Variants in SDHAF2 observed in about 807,000 individuals in gnomAD.
The protein encoded by SDHAF2 is succinate dehydrogenase complex assembly factor 2, also known as succinate dehydrogenase assembly factor 2, mitochondrial.
In SDHAF2, 21 loss-of-function variants were observed where a neutral mutation model predicts 18.5. The observed-to-expected ratio is 1.13, with a 90% CI of 0.80 to 1.63. The LOEUF is 1.63. Among genes scored for constraint, SDHAF2 ranks in the 40% most tolerant of loss-of-function variants. SDHAF2 has a pLI of 0.00. For synonymous variants in SDHAF2, 84 were observed against 70.7 expected (o/e 1.19, Z -0.94); for missense variants, 195 against 200.3 (o/e 0.97, Z 0.16).
chr11:61,443,907 G>A (rs961451617), intron 3 of SDHAF2, among the ~76,000 whole-genome samples: 1 of 152,150 alleles, frequency 6.6e-6, no homozygotes, highest in African/African-American at 2.4e-5. Flanking sequence ...CCGAGTAGCT[G>A]GGACTACAGG....
chr11:61,444,117 T>A (rs897019339), intron 3 of SDHAF2: 3 of 152,268 alleles, frequency 2.0e-5, no homozygotes, highest in African/African-American at 7.2e-5. Flanking sequence ...CACTTGGCTT[T>A]TAACAATTCA....
intron 1 of SDHAF2, chr11:61,434,402 C>G (rs1013671007): frequency 6.6e-6 from 1 of 152,088 alleles, no homozygotes; most frequent in East Asian, 1.9e-4. Flanking sequence ...GTCTTGAACT[C>G]CTTACCTCAG....
intron 3 of SDHAF2, among the ~76,000 whole-genome samples, chr11:61,438,832 G>A (rs376074481): frequency 6.6e-6 from 1 of 152,010 alleles, no homozygotes; most frequent in Non-Finnish European, 1.5e-5. Flanking sequence ...ATCGCTTGAG[G>A]TTAGGAGCTT....
chr11:61,431,485 T>C (rs1861910332), intron 1 of SDHAF2: 1 of 152,150 alleles, frequency 6.6e-6, no homozygotes, highest in African/African-American at 2.4e-5. Flanking sequence ...TCTCAAGATA[T>C]TTTCTAATTT....
At chr11:61,443,651 G>A (rs1438140657) in intron 3 of SDHAF2, among the ~76,000 whole-genome samples, 1 of 152,096 alleles carries the variant, frequency 6.6e-6, no homozygotes, top group Admixed American at 6.6e-5. Flanking sequence ...TGGCTCTGTC[G>A]CCCAGGCTGG....
Position 61,446,028 on chromosome 11 carries a change from T to C in SDHAF2, c.458T>C (p.Leu153Pro), listed in dbSNP as rs753711279. 6 of 1,614,106 alleles carry C rather than the reference T, an allele frequency of 3.7e-6. No individual in the cohort carries two copies. In the South Asian group the frequency reaches 5.5e-5, roughly 15 times the overall value. Residue 153 changes from leucine to proline, a missense_variant, in exon 4 of 4, where the codon CTG (leucine) becomes CCG (proline). Coordinates refer to ENST00000301761, the MANE Select transcript of SDHAF2 (RefSeq NM_017841.4). ...FAKNKNKEQRLRAPDLEYLFE... is the reference protein window; with the variant it reads ...FAKNKNKEQRPRAPDLEYLFE... The stretch of plus-strand genomic sequence containing the variant: ...AAAAACAAAAACAAAGAGCAGAGAC[T>C]GCGTGCCCCAGATCTTGAGTACCTC...
intron 1 of SDHAF2, 67 bp from the exon 2 acceptor site, chr11:61,437,558 C>T: frequency 7.6e-7 from 1 of 1,318,312 alleles, no homozygotes; most frequent in African/African-American, 1.4e-5. Context: ...ACCTAGTAAG[C>T]ATTGAGTAAA....
At chr11:61,442,263 A>C (rs1862076817) in intron 3 of SDHAF2, among the ~76,000 whole-genome samples, 1 of 152,178 alleles carries the variant, frequency 6.6e-6, no homozygotes. Flanking sequence ...TTCTTCTGTT[A>C]AATAGAAACA....
rs2134892837 is a variant in SDHAF2 at position 61,438,041 on chromosome 11, A to G, written c.298A>G (p.Lys100Glu). 3.7e-6 allele frequency: 6 copies of G among 1,614,132 alleles called. No homozygotes were observed. The highest frequency in any genetic ancestry group is 5.1e-6 in the Non-Finnish European group (6 of 1,180,024). The change falls in exon 3 of 4, where the codon AAG (lysine) becomes GAG (glutamate). Residue 100 changes from lysine to glutamate, a missense_variant. Physicochemically the swap from Lys to Glu is moderately conservative, Grantham distance 56. Transcript: ENST00000301761. ...AGAACATCTGCAGCACATGACAGAA[A>G]AGCAGCTGAACCTCTATGACCGCCT... ...AKEHLQHMTE[K>E]QLNLYDRLIN...
At chr11:61,443,479 AT>A (rs1366270598) in intron 3 of SDHAF2, among the ~76,000 whole-genome samples, 8 of 152,118 alleles carry the variant, frequency 5.3e-5, no homozygotes, top group African/African-American at 1.9e-4. Flanking sequence ...TTTTCTCATA[AT>A]TGTATTTATG....
chr11:61,434,591 C>CTTTTTTTTTTTTTTTTTTGTTTTTT (rs1861971140), intron 1 of SDHAF2: 1 of 119,000 alleles, frequency 8.4e-6, no homozygotes. Flanking sequence ...CTTCTCATTC[C>CTTTTTTTTTTTTTTTTTTGTTTTTT]TTTTTTTTTT....
Position 61,430,159 on chromosome 11 carries a change from A to G in SDHAF2, c.13A>G (p.Thr5Ala), listed in dbSNP as rs775763888. Residue 5 changes from threonine (T) to alanine (A), a missense_variant, in exon 1 of 4, where the codon ACA becomes GCA. Transcript: ENST00000301761. MAVS[T>A]VFSTSSLMLA... ...GCAGGTGGGGAAAATGGCGGTGTCT[A>G]CAGTGTTCTCGACTTCGTCGCTGGT... 87 of 1,614,064 alleles carry G rather than the reference A, an allele frequency of 5.4e-5. No homozygotes were observed. The highest frequency in any genetic ancestry group is 8.0e-5 in the African/African-American group (6 of 74,960).
chr11:61,443,806 A>C (rs1238303329), intron 3 of SDHAF2, among the ~76,000 whole-genome samples: 5 of 149,184 alleles, frequency 3.4e-5, no homozygotes, highest in South Asian at 2.1e-4. Flanking sequence ...ACGGAGTCTC[A>C]CTCTGTCACC....
chr11:61,430,252 G>A, intron 1 of SDHAF2, 70 bp downstream of exon 1: 3 of 1,597,360 alleles, frequency 1.9e-6, no homozygotes, highest in Non-Finnish European at 2.6e-6. Flanking sequence ...TTCCTCTGTG[G>A]TCTCTATCTT....
intron 3 of SDHAF2, among the ~76,000 whole-genome samples, chr11:61,441,123 T>C (rs1480787902): frequency 6.6e-6 from 1 of 152,056 alleles, no homozygotes; most frequent in Non-Finnish European, 1.5e-5. Context: ...GTTCAGAGAC[T>C]GCAATGACCT....
chr11:61,430,244 C>G, intron 1 of SDHAF2, 62 bp downstream of exon 1: 1 of 1,601,664 alleles, frequency 6.2e-7, no homozygotes, highest in Non-Finnish European at 8.5e-7. Flanking sequence ...CCTTTGTCTT[C>G]CTCTGTGGTC....
At chr11:61,436,619 TTATC>T in intron 1 of SDHAF2, 1 of 334,768 alleles carries the variant, frequency 3.0e-6, no homozygotes, top group South Asian at 2.3e-5. Context: ...GAGCTGGGGG[TTATC>T]TCATGATCAT....
At position 61,436,490 on chromosome 11, in the gene SDHAF2, A is replaced by AC. The variant is rs562218175; in HGVS notation, c.37-1133dup. Among the ~76,000 whole-genome samples the AC allele has an allele frequency of 1.3e-3, 202 of 152,248 alleles. 1 individual carries two copies. Among genetic ancestry groups the AC allele is most frequent in the African/African-American group, 4.7e-3 (194 of 41,534 alleles). ...CTCCATGGTTCTTTGTTCTCCCTCA[A>AC]CCTGCTGCCCTTTTCTGTTAGCACT... On this transcript the variant is annotated intron_variant, in intron 1 of 3. Coordinates refer to ENST00000301761, the MANE Select transcript of SDHAF2 (RefSeq NM_017841.4).
At chr11:61,438,204 C>CTT (rs5792226) in intron 3 of SDHAF2, 91 bp downstream of exon 3, 36,531 of 677,196 alleles carry the variant, frequency 0.054, 1 homozygote, top group East Asian at 0.069. Flanking sequence ...TTTTTTCTTT[C>CTT]TTTTTTTTTT....
Sources: gnomAD v4.1 joint callset for allele counts (sites outside exome capture counted in the v4.1 genomes callset) on GRCh38, gnomAD v4.1.1 for gene constraint, MANE v1.5 for transcripts, NCBI Gene and HGNC (gene_info 2026-07-23, HGNC 2026-07-21) for gene names.